The following KSR2 variants were observed in gnomAD, a reference collection of about 807,000 sequenced individuals.
KSR2 encodes kinase suppressor of ras 2.
KSR2 carries 25 observed loss-of-function variants against 107.8 expected under a neutral mutation model. The ratio of observed to expected loss-of-function variants is 0.23; its 90% confidence interval spans 0.17 to 0.32. The LOEUF (loss-of-function observed/expected upper bound fraction) is 0.32, where lower values mean the gene tolerates loss of function less well. Among genes scored for constraint, KSR2 ranks in the 10% least tolerant of loss-of-function variants. The pLI, the probability that KSR2 is intolerant of heterozygous loss-of-function variation, is 1.00. For missense variants in KSR2, 887 were observed against 1,268.9 expected (o/e 0.70, Z 4.57); for synonymous variants, 480 against 507.0 (o/e 0.95, Z 0.71).
chr12:117,788,419 C>T (rs912305482), intron 3 of KSR2, among the ~76,000 whole-genome samples: 2 of 152,122 alleles, frequency 1.3e-5, no homozygotes, highest in Admixed American at 1.3e-4. Flanking sequence ...ATGCTATAAC[C>T]CTCCCCTGGA....
At chr12:117,538,341 G>T (rs1255786260) in intron 10 of KSR2, among the ~76,000 whole-genome samples, 1 of 152,178 alleles carries the variant, frequency 6.6e-6, no homozygotes, top group Non-Finnish European at 1.5e-5. Flanking sequence ...AAAGTTCCAA[G>T]AATTCAAAAT....
intron 5 of KSR2, among the ~76,000 whole-genome samples, chr12:117,594,003 C>G (rs1216195414): frequency 6.6e-6 from 1 of 152,210 alleles, no homozygotes; most frequent in Non-Finnish European, 1.5e-5. Context: ...ATGGATGGGT[C>G]TTAAGTTCCT....
intron 4 of KSR2, among the ~76,000 whole-genome samples, chr12:117,721,621 G>GCTGC (rs1887210134): frequency 6.6e-6 from 1 of 152,190 alleles, no homozygotes; most frequent in Admixed American, 6.5e-5. Flanking sequence ...AACGACCACT[G>GCTGC]CTGCCTCCTC....
At chr12:117,621,477 C>T (rs79052503) in intron 5 of KSR2, among the ~76,000 whole-genome samples, 2 of 152,242 alleles carry the variant, frequency 1.3e-5, no homozygotes, top group African/African-American at 2.4e-5. Flanking sequence ...CCTCTCTGTG[C>T]CTCAGTCTCC....
rs1046901416 is a variant in KSR2, at chr12:117,465,846, T to A, written c.*1353A>T. ...GCAGGGGGTCAGGGCTTTGAAAACA[T>A]GGGCAAATGACCCAGAGGTTCTCCT... is the stretch of plus-strand genomic sequence containing the variant. On this transcript the variant is annotated 3_prime_UTR_variant, in exon 20 of 20. Transcript: ENST00000339824. 1 of 138,654 alleles carries A rather than the reference T, an allele frequency of 7.2e-6. No individual in the cohort carries two copies. Among genetic ancestry groups the A allele is most frequent in the East Asian group, 2.3e-4 (1 of 4,410 alleles). 8.6% of individuals were successfully genotyped at this position (138,654 alleles called of 1,614,324 possible).
At chr12:117,657,546 G>A (rs1017507099) in intron 5 of KSR2, among the ~76,000 whole-genome samples, 5 of 152,104 alleles carry the variant, frequency 3.3e-5, no homozygotes, top group East Asian at 1.9e-4. Context: ...AAATGGTTTC[G>A]GGGGCAGTTT....
At chr12:117,681,234 C>T (rs1885352236) in intron 4 of KSR2, among the ~76,000 whole-genome samples, 1 of 152,196 alleles carries the variant, frequency 6.6e-6, no homozygotes, top group African/African-American at 2.4e-5. Flanking sequence ...TGTGCCACTG[C>T]ACTCCAGCCT....
chr12:117,650,480 G>A (rs971712188), intron 5 of KSR2, among the ~76,000 whole-genome samples: 2 of 152,190 alleles, frequency 1.3e-5, no homozygotes, highest in Non-Finnish European at 2.9e-5. Flanking sequence ...TAGAGGAATA[G>A]AATATTAAGG....
chr12:117,812,472 A>G lies in KSR2; in HGVS notation c.472+42956T>C, dbSNP rs749224734. Among the ~76,000 whole-genome samples the G allele has an allele frequency of 2.3e-4, 35 of 152,310 alleles. No individual in the cohort carries two copies. In the Middle Eastern group the frequency reaches 0.014, roughly 59 times the overall value. ...AGAGTTGATCTAGACAGTTGAGCAC[A>G]CAGGAGAGCCAAGTCCAATTCATTC... On this transcript the variant is annotated intron_variant, in intron 3 of 19. Transcript: ENST00000339824.
intron 1 of KSR2, among the ~76,000 whole-genome samples, chr12:117,885,737 C>T (rs979494018): frequency 4.1e-5 from 6 of 145,462 alleles, no homozygotes; most frequent in South Asian, 2.1e-4. Flanking sequence ...CTAATGCCTG[C>T]GGGGCGTAAA....
chr12:117,825,963 G>A (rs1891730019), intron 3 of KSR2, among the ~76,000 whole-genome samples: 1 of 140,452 alleles, frequency 7.1e-6, no homozygotes, highest in Non-Finnish European at 1.6e-5. Flanking sequence ...GGGTGGATGG[G>A]TGGGTGGGTA....
Position 117,769,825 on chromosome 12 carries a change from G to A in KSR2, c.473-8301C>T, listed in dbSNP as rs1013356982. Among the ~76,000 whole-genome samples the A allele has an allele frequency of 4.6e-5, 7 of 152,174 alleles. No individual in the cohort carries two copies. The South Asian group carries it at 1.5e-3, about 32-fold the overall frequency. ...TCCTAGCACTTTGGGAGGCCGAGGC[G>A]GGTGGATCACCTGAGGTCAGGAGTT... On this transcript the variant is annotated intron_variant, in intron 3 of 19. Coordinates refer to ENST00000339824, the MANE Select transcript of KSR2 (RefSeq NM_173598.6).
At chr12:117,742,313 T>C (rs991063663) in intron 4 of KSR2, among the ~76,000 whole-genome samples, 4 of 152,244 alleles carry the variant, frequency 2.6e-5, no homozygotes, top group Non-Finnish European at 5.9e-5. Context: ...CTAAATAAGT[T>C]TGGAGATTAG....
chr12:117,926,797 G>A (rs1228165622), intron 1 of KSR2, among the ~76,000 whole-genome samples: 1 of 152,190 alleles, frequency 6.6e-6, no homozygotes, highest in African/African-American at 2.4e-5. Flanking sequence ...CAGGTATCCT[G>A]GGAGATGGCA....
intron 1 of KSR2, among the ~76,000 whole-genome samples, chr12:117,879,349 G>A (rs775865614): frequency 2.5e-4 from 38 of 152,162 alleles, no homozygotes; most frequent in Non-Finnish European, 4.7e-4. Context: ...ATTTAGACAT[G>A]TATTTTAAAT....
At chr12:117,511,803 G>A (rs994091464) in intron 14 of KSR2, among the ~76,000 whole-genome samples, 4 of 152,170 alleles carry the variant, frequency 2.6e-5, no homozygotes, top group Non-Finnish European at 5.9e-5. Context: ...TCAATGATCA[G>A]TTTGGAAAAC....
intron 10 of KSR2, among the ~76,000 whole-genome samples, chr12:117,537,870 G>A (rs527703752): frequency 1.2e-4 from 19 of 152,334 alleles, no homozygotes; most frequent in Middle Eastern, 3.4e-3. Context: ...GGCTAGGCAG[G>A]TCTCTTGTCT....
At chr12:117,608,071 A>G (rs1310498500) in intron 5 of KSR2, among the ~76,000 whole-genome samples, 2 of 152,216 alleles carry the variant, frequency 1.3e-5, no homozygotes, top group African/African-American at 4.8e-5. Flanking sequence ...CTGTGGAGAG[A>G]AGGCAGCAAG....
chr12:117,784,491 G>A (rs765255279), intron 3 of KSR2, among the ~76,000 whole-genome samples: 13 of 152,086 alleles, frequency 8.5e-5, no homozygotes, highest in African/African-American at 1.2e-4. Flanking sequence ...TTAGCAGCAC[G>A]AGAACAGGCT....
Sources: gnomAD v4.1 joint callset for allele counts (sites outside exome capture counted in the v4.1 genomes callset) on GRCh38, gnomAD v4.1.1 for gene constraint, MANE v1.5 for transcripts, NCBI Gene and HGNC (gene_info 2026-07-23, HGNC 2026-07-21) for gene names.